The following DENND3 variants were observed in gnomAD, a reference collection of about 807,000 sequenced individuals.
DENND3 encodes the protein DENN domain-containing protein 3.
DENND3 carries 88 observed loss-of-function variants against 135.1 expected under a neutral mutation model. The ratio of observed to expected loss-of-function variants is 0.65; its 90% CI spans 0.55 to 0.78. The LOEUF is 0.78. DENND3 is among the 30% of genes least tolerant of loss of function. The pLI is 0.00. For synonymous variants in DENND3, 693 were observed against 712.3 expected (o/e 0.97, Z 0.43); for missense variants, 1,392 against 1,688.4 (o/e 0.82, Z 3.08).
intron 18 of DENND3, among the ~76,000 whole-genome samples, chr8:141,187,458 C>T (rs959516868): frequency 2.6e-5 from 4 of 152,078 alleles, no homozygotes; most frequent in South Asian, 2.1e-4. Context: ...CTCCTGGGCT[C>T]AAGCAGTCCT....
At chr8:141,177,923 C>T in intron 15 of DENND3, 144 bp from the exon 16 acceptor site, 1 of 1,036,024 alleles carries the variant, frequency 9.7e-7, no homozygotes, top group Admixed American at 3.2e-5. Context: ...GACATAAAAT[C>T]CAAATTCATC....
At chr8:141,188,181 T>C (rs1030903051) in intron 18 of DENND3, among the ~76,000 whole-genome samples, 4 of 152,180 alleles carry the variant, frequency 2.6e-5, no homozygotes, top group Admixed American at 6.5e-5. Context: ...GCCATGATCA[T>C]GCCACTGCAC....
At chr8:141,133,615 T>G (rs1334693120) in intron 1 of DENND3, among the ~76,000 whole-genome samples, 3 of 152,066 alleles carry the variant, frequency 2.0e-5, no homozygotes, top group Non-Finnish European at 4.4e-5. Flanking sequence ...GTCTTGCAGG[T>G]GCTTGGTGTG....
chr8:141,194,269 T>C lies in DENND3; in HGVS notation c.*36T>C, dbSNP rs752202202. On this transcript the variant is annotated 3_prime_UTR_variant, in exon 23 of 23. Coordinates refer to ENST00000519811, the MANE Select transcript of DENND3 (RefSeq NM_001352890.3). ...GTCTGCCAAGTGGAACTGTGCCCTATGTGTGGGGACTGGCTGCCCCCTAGA... is the reference window on the plus strand; with the variant it reads ...GTCTGCCAAGTGGAACTGTGCCCTACGTGTGGGGACTGGCTGCCCCCTAGA... The C allele has an allele frequency of 7.5e-6, 12 of 1,599,222 alleles. 1 individual carries two copies. In the Admixed American group the frequency reaches 1.1e-4, roughly 14 times the overall value.
At position 141,192,998 on chromosome 8, in the gene DENND3, G is replaced by T. The variant is rs79262218; in HGVS notation, c.3636+335G>T. On this transcript the variant is annotated intron_variant, in intron 22 of 22. Coordinates refer to ENST00000519811, the MANE Select transcript of DENND3 (RefSeq NM_001352890.3). Reference sequence around the variant, plus strand: ...CTTCCCTCGGGGGCTCGGGGGGAGCGTGCACTCCAGGCCCTTCTCTCCCCC... The same window carrying T: ...CTTCCCTCGGGGGCTCGGGGGGAGCTTGCACTCCAGGCCCTTCTCTCCCCC... The T allele has an allele frequency of 4.1e-5, 38 of 927,464 alleles. 1 individual carries two copies. The East Asian group carries it at 1.8e-3, about 44-fold the overall frequency. The allele number at this position is 927,464 out of a possible 1,614,324, so 57.5% of individuals were successfully genotyped here. A position where few individuals can be genotyped will look rare whatever the true frequency, so the allele number is the denominator to read the frequency against.
intron 10 of DENND3, among the ~76,000 whole-genome samples, chr8:141,164,872 A>C (rs998019458): frequency 6.6e-6 from 1 of 152,134 alleles, no homozygotes; most frequent in African/African-American, 2.4e-5. Context: ...CTCATAGTTT[A>C]TGTCAGGAGG....
At position 141,141,526 on chromosome 8, in the gene DENND3, T is replaced by C; in HGVS notation, c.623+202T>C. 2.4e-6 allele frequency: 1 copy of C among 417,202 alleles called. No individual in the cohort carries two copies. Among genetic ancestry groups the C allele is most frequent in the Non-Finnish European group, 4.2e-6 (1 of 235,358 alleles). The allele number at this position is 417,202 out of a possible 1,614,324, so 25.8% of individuals were successfully genotyped here. On this transcript the variant is annotated intron_variant, in intron 4 of 22. Transcript: ENST00000519811. This position sits in a 1 kb window ranked among gnomAD's most constrained non-coding sequence, Gnocchi z 5.3. ...GGCTGTTGCTTAAGGCTGGGGGCAG[T>C]GGGCAGGGGGTGTGGCAGCGGGCGC...
intron 19 of DENND3, among the ~76,000 whole-genome samples, chr8:141,189,597 G>A (rs1054119526): frequency 6.6e-6 from 1 of 151,164 alleles, no homozygotes. Flanking sequence ...GAGGAGGTGG[G>A]GTCTCCTTGA....
In DENND3 at chr8:141,176,805, A is replaced by AG. The variant is rs1555551347; in HGVS notation, c.2706+48dup. 1.7e-5 allele frequency: 27 copies of AG among 1,597,514 alleles called. No individual in the cohort carries two copies. In the South Asian group the frequency reaches 2.9e-4, roughly 17 times the overall value. On this transcript the variant is annotated intron_variant, in intron 15 of 22. Coordinates refer to ENST00000519811, the MANE Select transcript of DENND3 (RefSeq NM_001352890.3). ...CTCTGCCCTTTGCTGTGGCTGCCTC[A>AG]GGGGCCTCTCGCCACCTGTGGGTCC...
At position 141,184,834 on chromosome 8, in the gene DENND3, C is replaced by G. The variant is rs112311967; in HGVS notation, c.2945-305C>G. ...TCCAGTTCCCTCTGCCTGGCTGTTTCCTCTAGTGAATGCTCACTCAGCTGG... is the reference window on the plus strand; with the variant it reads ...TCCAGTTCCCTCTGCCTGGCTGTTTGCTCTAGTGAATGCTCACTCAGCTGG... On this transcript the variant is annotated intron_variant, in intron 17 of 22. Coordinates refer to ENST00000519811, the MANE Select transcript of DENND3 (RefSeq NM_001352890.3). 926 of 260,244 alleles carry G rather than the reference C, an allele frequency of 3.6e-3. 7 individuals carry two copies. Among genetic ancestry groups the G allele is most frequent in the African/African-American group, 0.019 (886 of 46,126 alleles). The allele number at this position is 260,244 out of a possible 1,614,324, so 16.1% of individuals were successfully genotyped here.
At chr8:141,163,011 T>C (rs1244088781) in intron 9 of DENND3, among the ~76,000 whole-genome samples, 1 of 152,220 alleles carries the variant, frequency 6.6e-6, no homozygotes, top group African/African-American at 2.4e-5. Context: ...GCTGCCCCTC[T>C]GGGCTCCCCA....
intron 18 of DENND3, chr8:141,185,537 T>C (rs1823783250): frequency 2.5e-6 from 1 of 401,848 alleles, no homozygotes; most frequent in Non-Finnish European, 4.5e-6. Context: ...CAGGCCCCCA[T>C]CTAAAAATAG....
chr8:141,133,460 G>A (rs921637785), intron 1 of DENND3, among the ~76,000 whole-genome samples: 1 of 152,212 alleles, frequency 6.6e-6, no homozygotes, highest in Non-Finnish European at 1.5e-5. Flanking sequence ...TTTGCGGTCA[G>A]ACAGGGACGT....
rs762045380 is a variant in DENND3, at chr8:141,180,844, C to A, written c.2934C>A (p.Leu978=). The A allele has an allele frequency of 1.2e-6, 2 of 1,612,528 alleles. No homozygotes were observed. The highest frequency in any genetic ancestry group is 3.3e-5 in the Admixed American group (2 of 59,826). ...TCCCACAAGCGGTGGACGTGCTGCT[C>A]TACACTCCAGGTAAGGCCCCTCTGC... ...EAFPQAVDVL[L]YTPGHLDPAE... The change falls in exon 17 of 23, where the codon CTC becomes CTA. Residue 978 remains leucine, a synonymous_variant. Coordinates refer to ENST00000519811, the MANE Select transcript of DENND3 (RefSeq NM_001352890.3).
Position 141,166,489 on chromosome 8 carries a change from TG to T in DENND3, c.1753+103del, listed in dbSNP as rs1820816241. 2.1e-5 allele frequency: 26 copies of T among 1,261,448 alleles called. No individual in the cohort carries two copies. Among genetic ancestry groups the T allele is most frequent in the Non-Finnish European group, 2.8e-5 (26 of 921,616 alleles). 78.1% of individuals were successfully genotyped at this position (1,261,448 alleles called of 1,614,324 possible). A position where few individuals can be genotyped will look rare whatever the true frequency, so the allele number is the denominator to read the frequency against. ...TGGGACTTGTTTCAGGAGAGACGAG[TG>T]GGCTTGTTTTAGCAGCTGAGTTATT... On this transcript the variant is annotated intron_variant, in intron 12 of 22. Coordinates refer to ENST00000519811, the MANE Select transcript of DENND3 (RefSeq NM_001352890.3). The surrounding 1 kb of genome is among the most constrained non-coding windows in gnomAD (Gnocchi z 4.3).
intron 19 of DENND3, among the ~76,000 whole-genome samples, chr8:141,189,693 C>CTCCTT (rs1446745745): frequency 2.6e-5 from 4 of 152,198 alleles, no homozygotes; most frequent in Admixed American, 6.5e-5. Context: ...ACACTCCCCA[C>CTCCTT]TCCTTTTTCC....
At chr8:141,160,589 A>G (rs765873974) in intron 8 of DENND3, 43 bp from the exon 9 acceptor site, 28 of 1,546,502 alleles carry the variant, frequency 1.8e-5, no homozygotes, top group Middle Eastern at 2.3e-4. Context: ...GGCCGTGGCC[A>G]GTGCTGCTGG....
chr8:141,147,316 CAT>C (rs1476693038), intron 5 of DENND3, among the ~76,000 whole-genome samples: 4 of 152,232 alleles, frequency 2.6e-5, no homozygotes, highest in Admixed American at 1.3e-4. Flanking sequence ...AGATTATTAA[CAT>C]GTGGATATTG....
At chr8:141,151,889 C>T (rs548386117) in intron 7 of DENND3, 52 bp downstream of exon 7, 54 of 1,597,130 alleles carry the variant, frequency 3.4e-5, no homozygotes, top group South Asian at 1.3e-4. Flanking sequence ...GAGTCCATCA[C>T]GGGGACACAT....
Sources: gnomAD v4.1 joint callset for allele counts (sites outside exome capture counted in the v4.1 genomes callset) on GRCh38, gnomAD v4.1.1 for gene constraint, Gnocchi (gnomAD v3.1) non-coding constraint, MANE v1.5 for transcripts, NCBI Gene and HGNC (gene_info 2026-07-23, HGNC 2026-07-21) for gene names.